Variants in EPS15 observed in about 807,000 individuals in gnomAD.
EPS15 encodes the protein epidermal growth factor receptor substrate 15.
A neutral mutation model predicts 113.8 loss-of-function variants in EPS15; 72 were observed. The observed-to-expected ratio is 0.63, with a 90% CI of 0.52 to 0.77. The LOEUF (loss-of-function observed/expected upper bound fraction) is 0.77. EPS15 is among the 30% of genes least tolerant of loss of function. The probability of loss-of-function intolerance (pLI) is 0.00; values close to 1 mark genes in which losing one functional copy is unlikely to be tolerated. For synonymous variants in EPS15, 344 were observed against 363.4 expected (o/e 0.95, Z 0.61); for missense variants, 1,048 against 1,045.8 (o/e 1.00, Z -0.03).
chr1:51,490,552 G>A (rs1220871079), intron 1 of EPS15, among the ~76,000 whole-genome samples: 8 of 127,546 alleles, frequency 6.3e-5, no homozygotes, highest in Admixed American at 4.4e-4. Context: ...GCAACAGTGC[G>A]AGACTCCATC....
chr1:51,482,837 G>A (rs1031286993), intron 1 of EPS15, among the ~76,000 whole-genome samples: 5 of 151,812 alleles, frequency 3.3e-5, no homozygotes, highest in Admixed American at 3.3e-4. Context: ...GGTATGGCTT[G>A]AAAAAAAGTT....
chr1:51,508,234 A>AGAGAG (rs1557536346), intron 1 of EPS15, among the ~76,000 whole-genome samples: 4 of 95,000 alleles, frequency 4.2e-5, no homozygotes, highest in African/African-American at 8.7e-5. Context: ...AAAAGAAAAG[A>AGAGAG]AAAGAAAGAG....
At chr1:51,440,494 CTA>C (rs1000797294) in intron 11 of EPS15, 62 bp from the exon 12 acceptor site, 3 of 701,478 alleles carry the variant, frequency 4.3e-6, no homozygotes, top group Non-Finnish European at 7.0e-6. Flanking sequence ...AGACAAAACA[CTA>C]AAAATATTAA....
Position 51,354,748 on chromosome 1 carries a change from T to A in EPS15, c.*1952A>T, listed in dbSNP as rs1341649755. 1.1e-5 allele frequency: 2 copies of A among 188,772 alleles called. No individual in the cohort carries two copies. Among genetic ancestry groups the A allele is most frequent in the Admixed American group, 1.2e-4 (2 of 16,158 alleles). The allele number at this position is 188,772 out of a possible 1,614,324, so 11.7% of individuals were successfully genotyped here. A position where few individuals can be genotyped will look rare whatever the true frequency, so the allele number is the denominator to read the frequency against. ...TAATATTATGTTGGTCCACGGGGTA[T>A]ACACATTTTAACAAAAGATAAAAAT... is the stretch of plus-strand genomic sequence containing the variant. On this transcript the variant is annotated 3_prime_UTR_variant, in exon 25 of 25. Coordinates refer to ENST00000371733, the MANE Select transcript of EPS15 (RefSeq NM_001981.3).
At chr1:51,474,234 T>C (rs1301584360) in intron 2 of EPS15, among the ~76,000 whole-genome samples, 1 of 152,254 alleles carries the variant, frequency 6.6e-6, no homozygotes, top group African/African-American at 2.4e-5. Context: ...CCAGAAGCTA[T>C]AGGCCAGAAG....
intron 21 of EPS15, among the ~76,000 whole-genome samples, chr1:51,377,989 G>C (rs919429991): frequency 2.7e-5 from 4 of 150,546 alleles, no homozygotes; most frequent in African/African-American, 9.8e-5. Context: ...TCAGCCTCCT[G>C]GGTTCAAGCA....
At chr1:51,430,591 A>C (rs1651627889) in intron 12 of EPS15, among the ~76,000 whole-genome samples, 1 of 151,880 alleles carries the variant, frequency 6.6e-6, no homozygotes, top group Admixed American at 6.6e-5. Context: ...AAAATCAAGA[A>C]TTCGTAGTTC....
intron 20 of EPS15, 133 bp from the exon 21 acceptor site, chr1:51,394,580 T>TC (rs1647728165): frequency 1.0e-5 from 5 of 479,762 alleles, no homozygotes; most frequent in Non-Finnish European, 1.5e-5. Flanking sequence ...AACAAATGTT[T>TC]CCCCATAGTG....
At chr1:51,368,855 A>C (rs1646573306) in intron 21 of EPS15, among the ~76,000 whole-genome samples, 1 of 152,072 alleles carries the variant, frequency 6.6e-6, no homozygotes, top group Admixed American at 6.5e-5. Context: ...TGCCGGCCTA[A>C]GCCTCCCAAA....
intron 19 of EPS15, among the ~76,000 whole-genome samples, chr1:51,399,662 C>T (rs1042021569): frequency 6.6e-5 from 10 of 151,384 alleles, no homozygotes; most frequent in Admixed American, 1.3e-4. Context: ...AGTTTAAGAC[C>T]GGCCTGGCTA....
intron 1 of EPS15, among the ~76,000 whole-genome samples, chr1:51,494,957 T>A (rs2148542674): frequency 6.6e-6 from 1 of 152,312 alleles, no homozygotes; most frequent in Non-Finnish European, 1.5e-5. Flanking sequence ...ATCAGTAACC[T>A]CAATTCTTTC....
At chr1:51,465,191 T>G in intron 6 of EPS15, 70 bp downstream of exon 6, 1 of 946,930 alleles carries the variant, frequency 1.1e-6, no homozygotes, top group Non-Finnish European at 1.7e-6. Context: ...TAGCAATATA[T>G]TTCAGAGGTA....
intron 21 of EPS15, among the ~76,000 whole-genome samples, chr1:51,377,469 A>T (rs1646827700): frequency 6.6e-6 from 1 of 152,218 alleles, no homozygotes; most frequent in South Asian, 2.1e-4. Context: ...TGAATTGCTG[A>T]AATCTCATGA....
rs1654388126 is a variant in EPS15, at chr1:51,460,919, A to T, written c.561+172T>A. 2.6e-5 allele frequency: 13 copies of T among 504,076 alleles called. No individual in the cohort carries two copies. The South Asian group carries it at 3.1e-4, about 12-fold the overall frequency. The allele number at this position is 504,076 out of a possible 1,614,324, so 31.2% of individuals were successfully genotyped here. On this transcript the variant is annotated intron_variant, in intron 8 of 24. Coordinates refer to ENST00000371733, the MANE Select transcript of EPS15 (RefSeq NM_001981.3). ...TGGTGAGCCAAGATTGTGCCACTGCACTCCAGCCTGGGTGACAGAGTGAGA... is the reference window on the plus strand; with the variant it reads ...TGGTGAGCCAAGATTGTGCCACTGCTCTCCAGCCTGGGTGACAGAGTGAGA...
intron 15 of EPS15, among the ~76,000 whole-genome samples, chr1:51,406,388 A>C (rs1434083939): frequency 6.6e-6 from 1 of 152,158 alleles, no homozygotes; most frequent in African/African-American, 2.4e-5. Flanking sequence ...AGATGGGAGG[A>C]TCACTTGAGC....
intron 1 of EPS15, among the ~76,000 whole-genome samples, chr1:51,508,340 G>GAA (rs1300452001): frequency 2.0e-5 from 2 of 98,424 alleles, no homozygotes; most frequent in Non-Finnish European, 4.2e-5. Flanking sequence ...GAGAAAGAGA[G>GAA]AAAGAAAGAA....
intron 21 of EPS15, among the ~76,000 whole-genome samples, chr1:51,379,699 G>A (rs975024495): frequency 3.0e-4 from 46 of 150,858 alleles, no homozygotes; most frequent in Middle Eastern, 3.4e-3. Flanking sequence ...GGTGGATCAC[G>A]TAAGGTCAGG....
At chr1:51,518,228 G>A (rs966672675) in intron 1 of EPS15, 2 of 152,412 alleles carry the variant, frequency 1.3e-5, no homozygotes, top group African/African-American at 2.4e-5. Context: ...TTACAGAGAG[G>A]GAGGGACCAG....
At chr1:51,505,149 T>C (rs1279064020) in intron 1 of EPS15, among the ~76,000 whole-genome samples, 12 of 151,400 alleles carry the variant, frequency 7.9e-5, no homozygotes, top group Non-Finnish European at 1.6e-4. Flanking sequence ...GCTCTTCAAA[T>C]GATTAAACAC....
Sources: gnomAD v4.1 joint callset for allele counts (sites outside exome capture counted in the v4.1 genomes callset) on GRCh38, gnomAD v4.1.1 for gene constraint, MANE v1.5 for transcripts, NCBI Gene and HGNC (gene_info 2026-07-23, HGNC 2026-07-21) for gene names.